CACNA1C: variants seen among roughly 807,000 people sequenced by gnomAD.
CACNA1C encodes the protein voltage-dependent L-type calcium channel subunit alpha-1C.
A neutral mutation model predicts 229.0 loss-of-function variants in CACNA1C; 30 were observed. That is an observed-to-expected ratio of 0.13 (90% confidence interval 0.10 to 0.18). The LOEUF is 0.18. Among genes scored for constraint, CACNA1C ranks in the 10% least tolerant of loss-of-function variants. CACNA1C has a pLI of 1.00. For missense variants in CACNA1C, 1,658 were observed against 2,845.0 expected (o/e 0.58, Z 9.49); for synonymous variants, 1,114 against 1,132.5 (o/e 0.98, Z 0.33).
Position 2,185,423 on chromosome 12 carries a change from A to G in CACNA1C, c.477+64993A>G, listed in dbSNP as rs529433967. Among the ~76,000 whole-genome samples the G allele has an allele frequency of 3.9e-5, 6 of 152,302 alleles. No homozygotes were observed. The South Asian group carries it at 1.2e-3, about 32-fold the overall frequency. On this transcript the variant is annotated intron_variant, in intron 3 of 46. Coordinates refer to ENST00000399655, the MANE Select transcript of CACNA1C (RefSeq NM_000719.7). ...GCTGAGTTGGGTCCCCCCAAAACTC[A>G]TGTGTTGAAGCCCTGTCTCCTGTAC...
At chr12:2,418,245 C>T (rs1425770801) in intron 3 of CACNA1C, among the ~76,000 whole-genome samples, 1 of 152,168 alleles carries the variant, frequency 6.6e-6, no homozygotes, top group Non-Finnish European at 1.5e-5. Flanking sequence ...CACAGTGCTC[C>T]CCACCTCCCA....
rs1466088862 is a variant in CACNA1C at position 2,504,134 on chromosome 12, G to A, written c.1114-708G>A. Among the ~76,000 whole-genome samples the A allele has an allele frequency of 6.6e-6, 1 of 152,168 alleles. No individual in the cohort carries two copies. Among genetic ancestry groups the A allele is most frequent in the Non-Finnish European group, 1.5e-5 (1 of 68,026 alleles). On this transcript the variant is annotated intron_variant, in intron 7 of 46. Coordinates refer to ENST00000399655, the MANE Select transcript of CACNA1C (RefSeq NM_000719.7). This position sits in a 1 kb window ranked among gnomAD's most constrained non-coding sequence, Gnocchi z 6.8. The stretch of plus-strand genomic sequence containing the variant: ...CATGCTGAAGAAATTATTTTTTGAG[G>A]TGACCCATTTTCTCAGACAAGTGAA...
chr12:2,296,196 G>C (rs2094022017), intron 3 of CACNA1C, among the ~76,000 whole-genome samples: 1 of 152,210 alleles, frequency 6.6e-6, no homozygotes, highest in African/African-American at 2.4e-5. Flanking sequence ...TAATGGAGTG[G>C]GGACGTGATA....
At position 2,123,587 on chromosome 12, in the gene CACNA1C, C is replaced by T. The variant is rs1433492999; in HGVS notation, c.477+3157C>T. 3.3e-5 allele frequency among the ~76,000 whole-genome samples: 5 copies of T among 152,074 alleles called. No homozygotes were observed. The South Asian group carries it at 8.3e-4, about 25-fold the overall frequency. ...AGAACTCATTCTCTCTCCCACCACA[C>T]GACCCTGTCCCCCTGAAGAAAACGA... is the stretch of plus-strand genomic sequence containing the variant. On this transcript the variant is annotated intron_variant, in intron 3 of 46. Coordinates refer to ENST00000399655, the MANE Select transcript of CACNA1C (RefSeq NM_000719.7).
At chr12:2,362,060 G>A (rs992682319) in intron 3 of CACNA1C, among the ~76,000 whole-genome samples, 1 of 152,200 alleles carries the variant, frequency 6.6e-6, no homozygotes, top group Non-Finnish European at 1.5e-5. Flanking sequence ...TATGTATTAG[G>A]TGTCTTGTTT....
At chr12:2,572,427 C>T (rs2055630461) in intron 13 of CACNA1C, among the ~76,000 whole-genome samples, 1 of 79,058 alleles carries the variant, frequency 1.3e-5, no homozygotes, top group Non-Finnish European at 2.4e-5. Flanking sequence ...TCCTCCTCCT[C>T]TTCCTCTTCC....
At chr12:2,586,203 C>A (rs551049300) in intron 18 of CACNA1C, among the ~76,000 whole-genome samples, 1 of 152,224 alleles carries the variant, frequency 6.6e-6, no homozygotes, top group South Asian at 2.1e-4. Context: ...GTAAAATCAT[C>A]ATTAATTTAT....
chr12:2,189,273 G>A (rs1350175334), intron 3 of CACNA1C, among the ~76,000 whole-genome samples: 1 of 152,262 alleles, frequency 6.6e-6, no homozygotes, highest in Non-Finnish European at 1.5e-5. Flanking sequence ...CCCAGTAAGA[G>A]AGCCTTGTGC....
chr12:2,024,639 T>C (rs1352447020), intron 1 of CACNA1C, among the ~76,000 whole-genome samples: 1 of 152,150 alleles, frequency 6.6e-6, no homozygotes, highest in Non-Finnish European at 1.5e-5. Context: ...GGAAATGCAG[T>C]CTTTGTTCTG....
intron 3 of CACNA1C, among the ~76,000 whole-genome samples, chr12:2,381,594 T>C (rs965807901): frequency 2.6e-5 from 4 of 152,170 alleles, no homozygotes; most frequent in Admixed American, 1.3e-4. Flanking sequence ...TTTTCCTCGA[T>C]GTAAGGCCCT....
chr12:2,515,363 A>T (rs2099794369), intron 9 of CACNA1C, among the ~76,000 whole-genome samples: 1 of 152,234 alleles, frequency 6.6e-6, no homozygotes, highest in South Asian at 2.1e-4. Context: ...CTTGCAAAAA[A>T]GGTAAGACAG....
At chr12:2,440,627 C>T (rs530398886) in intron 3 of CACNA1C, among the ~76,000 whole-genome samples, 1 of 152,348 alleles carries the variant, frequency 6.6e-6, no homozygotes, top group Non-Finnish European at 1.5e-5. Flanking sequence ...TGCCCAGCAG[C>T]TCCTGTTGGG....
chr12:2,178,571 G>T (rs2096737125), intron 3 of CACNA1C, among the ~76,000 whole-genome samples: 1 of 152,112 alleles, frequency 6.6e-6, no homozygotes, highest in Non-Finnish European at 1.5e-5. Context: ...CCCTTGTGGG[G>T]GTGTCACAGA....
At chr12:2,572,391 CCTTCTTCTCT>C (rs1568496560) in intron 13 of CACNA1C, among the ~76,000 whole-genome samples, 59 of 67,706 alleles carry the variant, frequency 8.7e-4, no homozygotes, top group South Asian at 1.6e-3. Flanking sequence ...TCTTCCTCCT[CCTTCTTCTCT>C]TCCTCCTCCT....
chr12:2,073,135 GT>G (rs1365896735), intron 1 of CACNA1C, among the ~76,000 whole-genome samples: 1 of 152,178 alleles, frequency 6.6e-6, no homozygotes, highest in Non-Finnish European at 1.5e-5. Flanking sequence ...GTCTTGCTCT[GT>G]TTTCCATGGA....
At position 2,654,798 on chromosome 12, in the gene CACNA1C, A is replaced by G. The variant is rs1451496400; in HGVS notation, c.4141-349A>G. ...ACTAAATTTGAAAGAGTGCTTGGACATGCAGAACTGAAATAGCAAAGAAAA... is the reference window on the plus strand; with the variant it reads ...ACTAAATTTGAAAGAGTGCTTGGACGTGCAGAACTGAAATAGCAAAGAAAA... On this transcript the variant is annotated intron_variant, in intron 33 of 46. Coordinates refer to ENST00000399655, the MANE Select transcript of CACNA1C (RefSeq NM_000719.7). The surrounding 1 kb of genome is among the most constrained non-coding windows in gnomAD (Gnocchi z 4.4). Among the ~76,000 whole-genome samples the G allele has an allele frequency of 2.0e-5, 3 of 152,238 alleles. No individual in the cohort carries two copies. Among genetic ancestry groups the G allele is most frequent in the Admixed American group, 2.0e-4 (3 of 15,288 alleles).
chr12:2,383,269 G>A (rs749751969), intron 3 of CACNA1C, among the ~76,000 whole-genome samples: 10 of 152,204 alleles, frequency 6.6e-5, no homozygotes, highest in Non-Finnish European at 1.2e-4. Context: ...GCAAACAAGA[G>A]CAGTGGAGAC....
At chr12:2,017,314 A>C (rs753069404) in intron 1 of CACNA1C, among the ~76,000 whole-genome samples, 1 of 152,230 alleles carries the variant, frequency 6.6e-6, no homozygotes, top group Non-Finnish European at 1.5e-5. Flanking sequence ...TCAGCTTTGA[A>C]ATTTAATTGT....
intron 3 of CACNA1C, among the ~76,000 whole-genome samples, chr12:2,307,160 A>T (rs1005483035): frequency 2.0e-5 from 3 of 152,180 alleles, no homozygotes; most frequent in African/African-American, 7.2e-5. Flanking sequence ...CAAAGCTGCA[A>T]ATCTGACCTG....
Sources: gnomAD v4.1 joint callset for allele counts (sites outside exome capture counted in the v4.1 genomes callset) on GRCh38, gnomAD v4.1.1 for gene constraint, Gnocchi (gnomAD v3.1) non-coding constraint, MANE v1.5 for transcripts, NCBI Gene and HGNC (gene_info 2026-07-23, HGNC 2026-07-21) for gene names.